The following SUPT5H variants were observed in gnomAD, a reference collection of about 807,000 sequenced individuals.
SUPT5H encodes the protein transcription elongation factor SPT5.
Under a neutral mutation model 142.5 loss-of-function variants are expected in SUPT5H, and 24 were observed. The ratio of observed to expected loss-of-function variants is 0.17; its 90% CI spans 0.12 to 0.24. The LOEUF (loss-of-function observed/expected upper bound fraction) is 0.24. Among genes scored for constraint, SUPT5H ranks in the 10% least tolerant of loss-of-function variants. The pLI is 1.00. For missense variants in SUPT5H, 893 were observed against 1,471.8 expected (o/e 0.61, Z 6.43); for synonymous variants, 546 against 553.0 (o/e 0.99, Z 0.18).
rs575830852 is a variant in SUPT5H, at chr19:39,447,611, G to T, written c.75+1646G>T. Reference sequence around the variant, plus strand: ...TTTCTGTATTTTTAGTAGAGACGGGGTTTCACTGTGTTGGCCAGGCTGGTC... The same window carrying T: ...TTTCTGTATTTTTAGTAGAGACGGGTTTTCACTGTGTTGGCCAGGCTGGTC... On this transcript the variant is annotated intron_variant, in intron 2 of 29. Coordinates refer to ENST00000432763, the MANE Select transcript of SUPT5H (RefSeq NM_001111020.3). Among the ~76,000 whole-genome samples, 3 of 152,192 alleles carry T rather than the reference G, an allele frequency of 2.0e-5. No homozygotes were observed. The South Asian group carries it at 6.2e-4, about 32-fold the overall frequency.
chr19:39,473,667 T>C lies in SUPT5H; in HGVS notation c.2492+146T>C. 9.7e-7 allele frequency: 1 copy of C among 1,033,240 alleles called. No homozygotes were observed. Among genetic ancestry groups the C allele is most frequent in the African/African-American group, 1.6e-5 (1 of 62,086 alleles). The allele number at this position is 1,033,240 out of a possible 1,614,324, so 64.0% of individuals were successfully genotyped here. On this transcript the variant is annotated intron_variant, in intron 25 of 29. Transcript: ENST00000432763. This position sits in a 1 kb window ranked among gnomAD's most constrained non-coding sequence, Gnocchi z 5.8. ...GCTGGTCCCTTTGAAGGAGGAGGCA[T>C]AGCATGGCGGGGCGGGGGCAAAGCG...
chr19:39,460,187 G>A, intron 10 of SUPT5H: 1 of 544,398 alleles, frequency 1.8e-6, no homozygotes, highest in Admixed American at 3.2e-5. Flanking sequence ...TCCCACCCTT[G>A]TAGCCCTTTG....
At position 39,471,477 on chromosome 19, in the gene SUPT5H, G is replaced by A. The variant is rs749851868; in HGVS notation, c.1798G>A (p.Val600Ile). Residue 600 changes from valine to isoleucine, a missense_variant, in exon 19 of 30, where the codon GTT becomes ATT. Physicochemically the swap from Val to Ile is conservative, Grantham distance 29. This residue lies in a region of SUPT5H where 428 missense variants were observed against 763.5 expected (regional missense o/e 0.56). Transcript: ENST00000432763. ...EQNNIHVKDI[V>I]KVIDGPHSGR... is the part of the protein sequence containing the mutation. ...GAACAACATCCATGTGAAAGACATC[G>A]TTAAGGTCATTGATGGCCCCCACTC... 2.4e-5 allele frequency: 38 copies of A among 1,614,242 alleles called. No homozygotes were observed. The highest frequency in any genetic ancestry group is 1.6e-4 in the Middle Eastern group (1 of 6,062).
At position 39,474,209 on chromosome 19, in the gene SUPT5H, G is replaced by A; in HGVS notation, c.2652-25G>A. 2 of 1,613,428 alleles carry A rather than the reference G, an allele frequency of 1.2e-6. No individual in the cohort carries two copies. The highest frequency in any genetic ancestry group is 2.2e-5 in the East Asian group (1 of 44,846). On this transcript the variant is annotated intron_variant, in intron 26 of 29. Transcript: ENST00000432763. This position sits in a 1 kb window ranked among gnomAD's most constrained non-coding sequence, Gnocchi z 6.5. Reference sequence around the variant, plus strand: ...TTTTCCCCTCCCTCCTCCAACAAATGCCCCCTTCTCTCCTGTCTCTGCAGG... The same window carrying A: ...TTTTCCCCTCCCTCCTCCAACAAATACCCCCTTCTCTCCTGTCTCTGCAGG...
In SUPT5H at chr19:39,469,320, G is replaced by A. The variant is rs1179367139; in HGVS notation, c.1296G>A (p.Glu432=). Residue 432 remains glutamate, a synonymous_variant, in exon 16 of 30, where the codon GAG becomes GAA. Coordinates refer to ENST00000432763, the MANE Select transcript of SUPT5H (RefSeq NM_001111020.3). This position sits in a 1 kb window ranked among gnomAD's most constrained non-coding sequence, Gnocchi z 5.1. Reference sequence around the variant, plus strand: ...ACAACGTGGAGGTCTGTGAGGGTGAGCTCATCAACCTGCAGGGCAAGATCC... The same window carrying A: ...ACAACGTGGAGGTCTGTGAGGGTGAACTCATCAACCTGCAGGGCAAGATCC... ...PGDNVEVCEG[E]LINLQGKILS... 1 of 1,614,214 alleles carries A rather than the reference G, an allele frequency of 6.2e-7. No homozygotes were observed.
At chr19:39,457,555 C>T in intron 3 of SUPT5H, 120 bp from the exon 4 acceptor site, 1 of 1,510,804 alleles carries the variant, frequency 6.6e-7, no homozygotes, top group Admixed American at 2.0e-5. Context: ...GTTGGAGCCT[C>T]AGTGTCCTGC....
Position 39,457,662 on chromosome 19 carries a change from C to T in SUPT5H, c.242-13C>T. ...TCACCTTTGCCACTTACCACTTGGC[C>T]TTTCCGTTTTAGATGTTGACGATGA... On this transcript the variant is annotated splice_polypyrimidine_tract_variant and intron_variant, in intron 3 of 29. Coordinates refer to ENST00000432763, the MANE Select transcript of SUPT5H (RefSeq NM_001111020.3). 6.2e-7 allele frequency: 1 copy of T among 1,612,598 alleles called. No homozygotes were observed. The highest frequency in any genetic ancestry group is 8.5e-7 in the Non-Finnish European group (1 of 1,178,790).
intron 3 of SUPT5H, among the ~76,000 whole-genome samples, chr19:39,454,925 A>G (rs761660735): frequency 6.6e-6 from 1 of 152,200 alleles, no homozygotes; most frequent in Non-Finnish European, 1.5e-5. Flanking sequence ...AGGGACACCC[A>G]TATGTTGGTG....
At chr19:39,460,938 G>C (rs1032022781) in intron 10 of SUPT5H, among the ~76,000 whole-genome samples, 1 of 152,138 alleles carries the variant, frequency 6.6e-6, no homozygotes, top group African/African-American at 2.4e-5. Context: ...GGACCAAGTA[G>C]ACAGTTGTAG....
chr19:39,452,232 C>T (rs2079030767), intron 2 of SUPT5H, among the ~76,000 whole-genome samples: 2 of 152,118 alleles, frequency 1.3e-5, no homozygotes, highest in Admixed American at 6.6e-5. Context: ...CTAGGGGAGG[C>T]ATCCAGGATG....
intron 2 of SUPT5H, among the ~76,000 whole-genome samples, chr19:39,452,210 C>G (rs2079030609): frequency 6.6e-6 from 1 of 152,118 alleles, no homozygotes; most frequent in Admixed American, 6.5e-5. Flanking sequence ...TATGAAAGGG[C>G]TCAGAGGCCA....
rs1201627542 is a variant in SUPT5H, at chr19:39,459,241, A to C, written c.516A>C (p.Pro172=). The C allele has an allele frequency of 6.4e-7, 1 of 1,559,130 alleles. No homozygotes were observed. The highest frequency in any genetic ancestry group is 1.9e-5 in the Admixed American group (1 of 51,310). ...ACATCACCCAGCAGCAGCTGCTCCC[A>C]GGAGTCAAGTAAGGGGGTTGGGATG... ...SDDITQQQLL[P]GVKDPNLWTV... is the part of the protein sequence containing the mutation. The change falls in exon 8 of 30, where the codon CCA becomes CCC. Residue 172 remains proline (P), a synonymous_variant. Coordinates refer to ENST00000432763, the MANE Select transcript of SUPT5H (RefSeq NM_001111020.3).
intron 3 of SUPT5H, 146 bp downstream of exon 3, chr19:39,453,667 C>CTACTGCA: frequency 2.3e-5 from 22 of 971,046 alleles, no homozygotes; most frequent in South Asian, 1.6e-4. Flanking sequence ...CAAGTTCATG[C>CTACTGCA]CATTCTCCTG....
In SUPT5H at chr19:39,458,750, C is replaced by T; in HGVS notation, c.320-68C>T. 2 of 1,456,314 alleles carry T rather than the reference C, an allele frequency of 1.4e-6. No homozygotes were observed. The highest frequency in any genetic ancestry group is 1.9e-6 in the Non-Finnish European group (2 of 1,067,388). 90.2% of individuals were successfully genotyped at this position (1,456,314 alleles called of 1,614,324 possible). On this transcript the variant is annotated intron_variant, in intron 5 of 29. Transcript: ENST00000432763. The surrounding 1 kb of genome is among the most constrained non-coding windows in gnomAD (Gnocchi z 4.2). ...AAACCCTGGCCCTCTTAGCTGCACG[C>T]TCCTATTTTCTCCAGGCCCCTGCCC...
chr19:39,475,988 C>T (rs770799925), intron 28 of SUPT5H, 93 bp from the exon 29 acceptor site: 26 of 1,219,948 alleles, frequency 2.1e-5, no homozygotes, highest in East Asian at 7.2e-5. Flanking sequence ...CTTGAGTTCT[C>T]AGAATGAGCC....
Position 39,445,604 on chromosome 19 carries a change from A to G in SUPT5H, c.-121A>G, listed in dbSNP as rs965290871. The G allele has an allele frequency of 1.8e-5, 8 of 437,062 alleles. No individual in the cohort carries two copies. The highest frequency in any genetic ancestry group is 1.3e-3 in the Middle Eastern group (2 of 1,532). The allele number at this position is 437,062 out of a possible 1,614,324, so 27.1% of individuals were successfully genotyped here. ...CCCAGTCAGGCGTCGTGCGAACAGC[A>G]GCTGGTACCGAAGGCGGAGGTGGAG... On this transcript the variant is annotated 5_prime_UTR_variant, in exon 1 of 30. Coordinates refer to ENST00000432763, the MANE Select transcript of SUPT5H (RefSeq NM_001111020.3).
chr19:39,455,620 T>G (rs1483081734), intron 3 of SUPT5H, among the ~76,000 whole-genome samples: 1 of 147,138 alleles, frequency 6.8e-6, no homozygotes, highest in East Asian at 2.2e-4. Flanking sequence ...ATTTCTTTTC[T>G]TTTCTTCTTT....
Position 39,458,084 on chromosome 19 carries a change from C to T in SUPT5H, c.308-210C>T, listed in dbSNP as rs530568149. The stretch of plus-strand genomic sequence containing the variant: ...TTTCCCCGTTATTTTCCGTTCTGTG[C>T]GCCTCATACATTTCGGCTTCTCCCC... On this transcript the variant is annotated intron_variant, in intron 4 of 29. Coordinates refer to ENST00000432763, the MANE Select transcript of SUPT5H (RefSeq NM_001111020.3). This position sits in a 1 kb window ranked among gnomAD's most constrained non-coding sequence, Gnocchi z 4.2. The T allele has an allele frequency of 2.9e-5, 24 of 835,180 alleles. No homozygotes were observed. The highest frequency in any genetic ancestry group is 2.1e-4 in the African/African-American group (12 of 58,240). 51.7% of individuals were successfully genotyped at this position (835,180 alleles called of 1,614,324 possible). A position where few individuals can be genotyped will look rare whatever the true frequency, so the allele number is the denominator to read the frequency against.
chr19:39,451,184 G>A (rs944101699), intron 2 of SUPT5H, among the ~76,000 whole-genome samples: 8 of 132,920 alleles, frequency 6.0e-5, no homozygotes, highest in African/African-American at 2.3e-4. Flanking sequence ...CTTTGAGCAT[G>A]ACCTTTTTTT....
Sources: gnomAD v4.1 joint callset for allele counts (sites outside exome capture counted in the v4.1 genomes callset) on GRCh38, gnomAD v4.1.1 for gene constraint, gnomAD v4.1.1 regional missense constraint, Gnocchi (gnomAD v3.1) non-coding constraint, MANE v1.5 for transcripts, NCBI Gene and HGNC (gene_info 2026-07-23, HGNC 2026-07-21) for gene names.